The following ELF1 variants were observed in gnomAD, a reference collection of about 807,000 sequenced individuals.
ELF1 encodes E74 like ETS transcription factor 1.
A neutral mutation model predicts 59.9 loss-of-function variants in ELF1; 24 were observed. That is an observed-to-expected ratio of 0.40 (90% CI 0.29 to 0.56). The LOEUF is 0.56. ELF1 is among the 20% of genes least tolerant of loss of function. The pLI, the probability that ELF1 is intolerant of heterozygous loss-of-function variation, is 0.44. For synonymous variants in ELF1, 248 were observed against 266.2 expected, an observed-to-expected ratio of 0.93 and a Z score of 0.67; for missense variants, 627 against 742.2, an observed-to-expected ratio of 0.84 and a Z score of 1.80.
At chr13:40,952,035 T>C (rs764644984) in intron 3 of ELF1, among the ~76,000 whole-genome samples, 3 of 152,212 alleles carry the variant, frequency 2.0e-5, no homozygotes, top group East Asian at 1.9e-4. Flanking sequence ...CATATTGCAA[T>C]TGACTGATAC....
At chr13:40,996,630 A>G (rs548511009) in intron 1 of ELF1, among the ~76,000 whole-genome samples, 3 of 152,340 alleles carry the variant, frequency 2.0e-5, no homozygotes, top group South Asian at 4.1e-4. Flanking sequence ...AGGTTCATCA[A>G]CTGTAACAAG....
chr13:40,940,500 G>C (rs1182864988), intron 8 of ELF1, among the ~76,000 whole-genome samples: 3 of 146,630 alleles, frequency 2.0e-5, no homozygotes, highest in Non-Finnish European at 4.5e-5. Context: ...CTTTAGAATT[G>C]TTCGAAGATA....
intron 2 of ELF1, among the ~76,000 whole-genome samples, chr13:40,963,325 A>T (rs1022191522): frequency 1.1e-4 from 17 of 152,232 alleles, no homozygotes; most frequent in Non-Finnish European, 2.2e-4. Context: ...AGGTGGAGGT[A>T]TGAGTTTCAC....
chr13:41,031,195 A>T, intron 1 of ELF1, among the ~76,000 whole-genome samples: 1 of 151,528 alleles, frequency 6.6e-6, no homozygotes, highest in Non-Finnish European at 1.5e-5. Flanking sequence ...AAAAAAGAAA[A>T]GAAAAGCAGT....
chr13:40,943,554 T>G (rs1870316227), intron 6 of ELF1, among the ~76,000 whole-genome samples: 1 of 152,220 alleles, frequency 6.6e-6, no homozygotes, highest in Non-Finnish European at 1.5e-5. Flanking sequence ...GACAACATAT[T>G]AAAGGGTCTA....
chr13:41,032,976 C>A (rs1299764557), intron 1 of ELF1, among the ~76,000 whole-genome samples: 1 of 152,066 alleles, frequency 6.6e-6, no homozygotes, highest in African/African-American at 2.4e-5. Flanking sequence ...CTTGGCTTAA[C>A]CTTTTGCTTT....
intron 7 of ELF1, among the ~76,000 whole-genome samples, chr13:40,941,683 A>G (rs944430590): frequency 8.5e-5 from 13 of 152,140 alleles, no homozygotes; most frequent in African/African-American, 3.1e-4. Context: ...TTGGAGACAG[A>G]GTCTTGCTCT....
At chr13:40,989,766 T>C (rs78053745) in intron 1 of ELF1, among the ~76,000 whole-genome samples, 7,265 of 152,234 alleles carry the variant, frequency 0.048, 426 homozygotes, top group East Asian at 0.23. Flanking sequence ...TACTACATGG[T>C]GAAAATTCTA....
intron 5 of ELF1, 38 bp from the exon 6 acceptor site, chr13:40,943,963 A>C: frequency 1.1e-5 from 17 of 1,588,044 alleles, no homozygotes; most frequent in Non-Finnish European, 1.5e-5. Flanking sequence ...ATTTGCCTTC[A>C]AAAGTGAGAG....
chr13:40,952,553 G>C (rs958299126), intron 3 of ELF1, among the ~76,000 whole-genome samples: 2 of 151,732 alleles, frequency 1.3e-5, no homozygotes, highest in Non-Finnish European at 2.9e-5. Flanking sequence ...TTAGAGACAG[G>C]GTCCCGCTAT....
chr13:40,961,593 G>A (rs574439644), intron 2 of ELF1, among the ~76,000 whole-genome samples: 7 of 152,184 alleles, frequency 4.6e-5, no homozygotes, highest in South Asian at 4.1e-4. Context: ...AAATTATACC[G>A]TAACTCACAT....
chr13:40,996,195 T>C (rs755484708), intron 1 of ELF1, among the ~76,000 whole-genome samples: 29 of 151,116 alleles, frequency 1.9e-4, no homozygotes, highest in Non-Finnish European at 3.5e-4. Flanking sequence ...TGTGGAACAA[T>C]AGGAATTCTC....
intron 1 of ELF1, among the ~76,000 whole-genome samples, chr13:41,048,041 T>A (rs1362737924): frequency 2.0e-5 from 3 of 152,328 alleles, no homozygotes; most frequent in East Asian, 3.9e-4. Context: ...GTGTTAGCAA[T>A]GAGCGAGGGT....
intron 1 of ELF1, among the ~76,000 whole-genome samples, chr13:41,039,336 TA>T (rs747996967): frequency 0.013 from 1,345 of 102,902 alleles, 14 homozygotes; most frequent in East Asian, 0.069. Context: ...GTCCTTTTTT[TA>T]AAAAAAAAAA....
At position 40,984,505 on chromosome 13, in the gene ELF1, C is replaced by T. The variant is rs1873452577; in HGVS notation, c.-228-2223G>A. On this transcript the variant is annotated intron_variant, in intron 1 of 8. Transcript: ENST00000239882. ...ATCACTTGAGCCCAGGAGTTCAAGG[C>T]CGTAGTGAGCCATGATTGCCACTGT... Among the ~76,000 whole-genome samples, 4 of 152,112 alleles carry T rather than the reference C, an allele frequency of 2.6e-5. No homozygotes were observed. In the South Asian group the frequency reaches 8.3e-4, roughly 31 times the overall value.
chr13:40,985,049 A>T (rs764082074), intron 1 of ELF1, among the ~76,000 whole-genome samples: 5 of 152,220 alleles, frequency 3.3e-5, no homozygotes, highest in Non-Finnish European at 5.9e-5. Flanking sequence ...TGCAGCAGAA[A>T]AAGACACTTT....
At chr13:41,006,567 A>G (rs1022690270) in intron 1 of ELF1, among the ~76,000 whole-genome samples, 4 of 152,322 alleles carry the variant, frequency 2.6e-5, no homozygotes, top group Middle Eastern at 3.4e-3. Flanking sequence ...CCAAGGGCAG[A>G]TAAGTATTAC....
intron 8 of ELF1, among the ~76,000 whole-genome samples, chr13:40,940,707 T>C (rs1870101047): frequency 6.6e-6 from 1 of 152,226 alleles, no homozygotes; most frequent in Non-Finnish European, 1.5e-5. Context: ...GACAGAATAA[T>C]GCCAGTAATG....
chr13:40,949,958 CTAAA>C lies in ELF1; in HGVS notation c.373_376del (p.Phe125ValfsTer19). ...AACAACCATGTCATCTTCAGGTGAA[CTAAA>C]TATATTATTATCTAATGAAAATAAA... On this transcript the variant is annotated frameshift_variant, in exon 5 of 9. Transcript: ENST00000239882. LOFTEE classifies it high-confidence loss of function. 1 of 1,611,958 alleles carries C rather than the reference CTAAA, an allele frequency of 6.2e-7. No homozygotes were observed. The highest frequency in any genetic ancestry group is 8.5e-7 in the Non-Finnish European group (1 of 1,179,046).
Sources: allele counts gnomAD v4.1 joint callset (sites outside exome capture counted in the v4.1 genomes callset), GRCh38; gene constraint gnomAD v4.1.1; transcripts MANE v1.5; gene names NCBI Gene and HGNC (gene_info 2026-07-23, HGNC 2026-07-21).